TSHZ3: variants seen among roughly 807,000 people sequenced by gnomAD.
The protein encoded by TSHZ3 is teashirt zinc finger homeobox 3.
Under a neutral mutation model 64.5 loss-of-function variants are expected in TSHZ3, and 10 were observed. That is an observed-to-expected ratio of 0.16 (90% CI 0.10 to 0.26). The LOEUF is 0.26. TSHZ3 is among the 10% of genes least tolerant of loss of function. TSHZ3 has a pLI of 1.00. For missense variants in TSHZ3, 1,242 were observed against 1,421.7 expected (o/e 0.87, Z 2.03); for synonymous variants, 608 against 593.1 (o/e 1.03, Z -0.36).
At chr19:31,173,906 C>G (rs1974571321) in intron 5 of TSHZ3, among the ~76,000 whole-genome samples, 1 of 152,052 alleles carries the variant, frequency 6.6e-6, no homozygotes, top group African/African-American at 2.4e-5. Flanking sequence ...CCCGTCTCTA[C>G]TAAAAAGTCA....
intron 1 of TSHZ3, among the ~76,000 whole-genome samples, chr19:31,332,376 G>T (rs760392985): frequency 1.4e-4 from 21 of 152,138 alleles, no homozygotes; most frequent in Non-Finnish European, 2.4e-4. Context: ...ATGGCAGAAG[G>T]GAACCACGGA....
At chr19:31,160,213 C>T (rs1974357555) in intron 5 of TSHZ3, among the ~76,000 whole-genome samples, 1 of 152,104 alleles carries the variant, frequency 6.6e-6, no homozygotes, top group Non-Finnish European at 1.5e-5. Context: ...CAAAGTCACA[C>T]AGCCAACAAG....
At chr19:31,263,964 A>G (rs1334344166) in intron 1 of TSHZ3, among the ~76,000 whole-genome samples, 7 of 152,194 alleles carry the variant, frequency 4.6e-5, no homozygotes, top group Non-Finnish European at 1.5e-5. Context: ...TGGCTCTGCC[A>G]CTGACATGAA....
At chr19:31,223,149 G>A (rs1975412445) in intron 4 of TSHZ3, among the ~76,000 whole-genome samples, 1 of 152,122 alleles carries the variant, frequency 6.6e-6, no homozygotes, top group African/African-American at 2.4e-5. Flanking sequence ...TTTTTCCTCT[G>A]CTCATCTCAT....
intron 1 of TSHZ3, among the ~76,000 whole-genome samples, chr19:31,290,038 C>T (rs1976537295): frequency 6.6e-6 from 1 of 152,146 alleles, no homozygotes; most frequent in African/African-American, 2.4e-5. Flanking sequence ...GCACACCTTG[C>T]TATGATGAAG....
downstream of TSHZ3, among the ~76,000 whole-genome samples, chr19:31,273,004 G>A (rs1438217816): frequency 1.3e-5 from 2 of 152,136 alleles, no homozygotes; most frequent in Non-Finnish European, 2.9e-5. Flanking sequence ...TACGACAGAC[G>A]CGGAGTGCGA....
intron 1 of TSHZ3, among the ~76,000 whole-genome samples, chr19:31,292,978 C>G (rs1202593969): frequency 6.6e-6 from 1 of 151,684 alleles, no homozygotes; most frequent in African/African-American, 2.4e-5. Flanking sequence ...CCCATCCATC[C>G]ATCCATCCAT....
intron 4 of TSHZ3, among the ~76,000 whole-genome samples, chr19:31,218,450 G>C (rs1390798788): frequency 6.6e-6 from 1 of 152,148 alleles, no homozygotes; most frequent in African/African-American, 2.4e-5. Context: ...TTCATTGTTG[G>C]TAGAAATGCA....
At chr19:31,317,396 G>C (rs950178756) in intron 1 of TSHZ3, among the ~76,000 whole-genome samples, 3 of 152,230 alleles carry the variant, frequency 2.0e-5, no homozygotes, top group African/African-American at 4.8e-5. Context: ...GATGGGGCAA[G>C]ATGCAAAGAG....
chr19:31,253,553 A>G (rs1052699176), intron 1 of TSHZ3, among the ~76,000 whole-genome samples: 2 of 152,138 alleles, frequency 1.3e-5, no homozygotes, highest in African/African-American at 4.8e-5. Flanking sequence ...GTAGAGATGA[A>G]GTCTCGCTAT....
intron 1 of TSHZ3, among the ~76,000 whole-genome samples, chr19:31,248,668 G>C (rs1975790985): frequency 6.6e-6 from 1 of 151,422 alleles, no homozygotes; most frequent in South Asian, 2.1e-4. Flanking sequence ...GCTTGTGCCT[G>C]TGGTCCCAGC....
chr19:31,228,278 C>A (rs1018579782), intron 3 of TSHZ3, among the ~76,000 whole-genome samples: 1 of 152,132 alleles, frequency 6.6e-6, no homozygotes, highest in Admixed American at 6.5e-5. Flanking sequence ...GTAATCCCAG[C>A]ACTTCTGGAG....
intron 4 of TSHZ3, among the ~76,000 whole-genome samples, chr19:31,210,085 C>T (rs1975243978): frequency 6.6e-6 from 1 of 151,880 alleles, no homozygotes; most frequent in Non-Finnish European, 1.5e-5. Flanking sequence ...GGAAAGGAGA[C>T]CAGAGTGGAG....
chr19:31,183,204 C>T (rs960373441), intron 5 of TSHZ3, among the ~76,000 whole-genome samples: 6 of 77,176 alleles, frequency 7.8e-5, no homozygotes, highest in African/African-American at 3.5e-4. Context: ...CTCTCTCTCT[C>T]TCTCTCTCTC....
In TSHZ3 at chr19:31,231,997, T is replaced by C. The variant is rs569790054; in HGVS notation, n.551-3857A>G. ...ACAGGCTCCTCTGCCCTAGAGCTGG[T>C]CTTGGGGAAAAGGCCTAAGAATCAG... On this transcript the variant is annotated intron_variant and non_coding_transcript_variant, in intron 3 of 6. Transcript: ENST00000651361. Among the ~76,000 whole-genome samples the C allele has an allele frequency of 2.7e-3, 411 of 152,224 alleles. 3 individuals are homozygous for C. Among genetic ancestry groups the C allele is most frequent in the African/African-American group, 9.5e-3 (393 of 41,524 alleles).
intron 1 of TSHZ3, among the ~76,000 whole-genome samples, chr19:31,280,337 CTTTT>C (rs993688645): frequency 2.8e-5 from 4 of 144,986 alleles, no homozygotes; most frequent in Non-Finnish European, 6.1e-5. Flanking sequence ...GATTTTGTGG[CTTTT>C]TTTTTTTCTT....
chr19:31,184,117 G>A (rs1036655261), intron 5 of TSHZ3, among the ~76,000 whole-genome samples: 1 of 152,158 alleles, frequency 6.6e-6, no homozygotes, highest in African/African-American at 2.4e-5. Flanking sequence ...ATGTAAAAGG[G>A]TAGAGGTGGT....
intron 1 of TSHZ3, among the ~76,000 whole-genome samples, chr19:31,300,300 T>A (rs1976732348): frequency 6.6e-6 from 1 of 152,228 alleles, no homozygotes; most frequent in African/African-American, 2.4e-5. Flanking sequence ...AAAGAACTGC[T>A]GTAGAAACAA....
chr19:31,253,051 T>C (rs953355102), intron 1 of TSHZ3, among the ~76,000 whole-genome samples: 1 of 152,242 alleles, frequency 6.6e-6, no homozygotes, highest in South Asian at 2.1e-4. Flanking sequence ...AAAAACAATA[T>C]ATAGATCTTG....
Sources: allele counts gnomAD v4.1 joint callset (sites outside exome capture counted in the v4.1 genomes callset), GRCh38; gene constraint gnomAD v4.1.1; transcripts MANE v1.5; gene names NCBI Gene and HGNC (gene_info 2026-07-23, HGNC 2026-07-21).